The following SYNJ1 variants were observed in gnomAD, a reference collection of about 807,000 sequenced individuals.
The protein encoded by SYNJ1 is synaptojanin 1.
A neutral mutation model predicts 168.2 loss-of-function variants in SYNJ1; 78 were observed. The observed-to-expected ratio is 0.46, with a 90% CI of 0.39 to 0.56. SYNJ1 has a LOEUF of 0.56. Ranked by LOEUF, SYNJ1 falls within the 20% of genes least tolerant of loss-of-function variation. The probability of loss-of-function intolerance (pLI) is 0.00; values close to 1 mark genes in which losing one functional copy is unlikely to be tolerated. For synonymous variants in SYNJ1, 539 were observed against 548.6 expected (o/e 0.98, Z 0.24); for missense variants, 1,303 against 1,597.6 (o/e 0.82, Z 3.14).
rs762510102 is a variant in SYNJ1, at chr21:32,630,057, C to T, written c.*1748G>A. The T allele has an allele frequency of 2.6e-5, 4 of 152,204 alleles. No homozygotes were observed. The highest frequency in any genetic ancestry group is 4.8e-5 in the African/African-American group (2 of 41,450). The allele number at this position is 152,204 out of a possible 1,614,324, so 9.4% of individuals were successfully genotyped here. A position where few individuals can be genotyped will look rare whatever the true frequency, so the allele number is the denominator to read the frequency against. On this transcript the variant is annotated 3_prime_UTR_variant, in exon 33 of 33. Transcript: ENST00000674351. Reference sequence around the variant, plus strand: ...TATGGGCAACGTATACTCGAACGTACGCAGAGAAGAGAGTACGGTTAGCTC... The same window carrying T: ...TATGGGCAACGTATACTCGAACGTATGCAGAGAAGAGAGTACGGTTAGCTC...
rs2039254288 is a variant in SYNJ1, at chr21:32,629,831, AG to A, written c.*1973del. On this transcript the variant is annotated 3_prime_UTR_variant, in exon 33 of 33. Coordinates refer to ENST00000674351, the MANE Select transcript of SYNJ1 (RefSeq NM_203446.3). ...GGGATCAGTTGCATATTGGCAGTGC[AG>A]GAGACAAAATCCGCAGCTACTTTGA... is the stretch of plus-strand genomic sequence containing the variant. 6.6e-6 allele frequency: 1 copy of A among 152,602 alleles called. No homozygotes were observed. The highest frequency in any genetic ancestry group is 2.4e-5 in the African/African-American group (1 of 41,464). 9.5% of individuals were successfully genotyped at this position (152,602 alleles called of 1,614,324 possible).
At chr21:32,672,625 C>T (rs1364453792) in intron 14 of SYNJ1, among the ~76,000 whole-genome samples, 1 of 152,124 alleles carries the variant, frequency 6.6e-6, no homozygotes, top group Non-Finnish European at 1.5e-5. Flanking sequence ...CAGGCGTGAG[C>T]CACCGTGCCC....
At chr21:32,713,926 T>C (rs1943627118) in intron 2 of SYNJ1, among the ~76,000 whole-genome samples, 1 of 152,186 alleles carries the variant, frequency 6.6e-6, no homozygotes, top group Non-Finnish European at 1.5e-5. Flanking sequence ...CAGATCATAA[T>C]AAAGATAACT....
At chr21:32,685,181 C>CAAA (rs553002012) in intron 9 of SYNJ1, among the ~76,000 whole-genome samples, 6 of 57,682 alleles carry the variant, frequency 1.0e-4, no homozygotes, top group African/African-American at 2.0e-4. Flanking sequence ...GACTCCGTCT[C>CAAA]AAAAAAAAAA....
At chr21:32,651,898 G>A (rs545000401) in intron 22 of SYNJ1, among the ~76,000 whole-genome samples, 136 of 152,296 alleles carry the variant, frequency 8.9e-4, no homozygotes, top group African/African-American at 3.2e-3. Context: ...CCCTGACACA[G>A]TCATAAGAGG....
intron 18 of SYNJ1, among the ~76,000 whole-genome samples, chr21:32,660,209 C>T (rs1422631531): frequency 6.6e-6 from 1 of 152,212 alleles, no homozygotes; most frequent in Non-Finnish European, 1.5e-5. Context: ...AAAGGCTGGC[C>T]CCCATGTCTA....
intron 13 of SYNJ1, among the ~76,000 whole-genome samples, chr21:32,673,917 A>AT (rs2041303748): frequency 6.6e-6 from 1 of 152,246 alleles, no homozygotes; most frequent in Non-Finnish European, 1.5e-5. Flanking sequence ...TACAATTTTC[A>AT]TTAAGAGTCT....
Position 32,630,730 on chromosome 21 carries a change from T to C in SYNJ1, c.*1075A>G, listed in dbSNP as rs2039285378. On this transcript the variant is annotated 3_prime_UTR_variant, in exon 33 of 33. Transcript: ENST00000674351. Reference sequence around the variant, plus strand: ...AAAAGTTTCTGAATAAGGACTGTTTTCTAAAGTATAAGTACTTTTTATGGC... The same window carrying C: ...AAAAGTTTCTGAATAAGGACTGTTTCCTAAAGTATAAGTACTTTTTATGGC... 3 of 279,390 alleles carry C rather than the reference T, an allele frequency of 1.1e-5. No homozygotes were observed. Among genetic ancestry groups the C allele is most frequent in the Non-Finnish European group, 1.3e-5 (2 of 148,398 alleles). The allele number at this position is 279,390 out of a possible 1,614,324, so 17.3% of individuals were successfully genotyped here. A position where few individuals can be genotyped will look rare whatever the true frequency, so the allele number is the denominator to read the frequency against.
intron 18 of SYNJ1, among the ~76,000 whole-genome samples, chr21:32,663,010 G>A (rs2040778017): frequency 6.6e-6 from 1 of 152,150 alleles, no homozygotes; most frequent in East Asian, 1.9e-4. Context: ...AACTTTCTAT[G>A]ATGAACTAAA....
rs565726312 is a variant in SYNJ1, at chr21:32,663,943, T to C, written c.2304+970A>G. 1.3e-4 allele frequency among the ~76,000 whole-genome samples: 20 copies of C among 152,282 alleles called. 1 individual carries two copies. The highest frequency in any genetic ancestry group is 4.6e-4 in the African/African-American group (19 of 41,560). On this transcript the variant is annotated intron_variant, in intron 18 of 32. Coordinates refer to ENST00000674351, the MANE Select transcript of SYNJ1 (RefSeq NM_203446.3). Reference sequence around the variant, plus strand: ...TTACTAATTGCTGTCTATACACAGATGATGAAGGGCAAGTAGTTGAAGACA... The same window carrying C: ...TTACTAATTGCTGTCTATACACAGACGATGAAGGGCAAGTAGTTGAAGACA...
At chr21:32,702,270 ACT>A (rs1239524095) in intron 2 of SYNJ1, among the ~76,000 whole-genome samples, 6 of 152,070 alleles carry the variant, frequency 3.9e-5, no homozygotes, top group Admixed American at 6.6e-5. Flanking sequence ...ACTGATCTGA[ACT>A]CTGTCTTCTT....
At chr21:32,728,027 C>CAT (rs1227986180), upstream of SYNJ1, 1 of 1,535,332 alleles carries the variant, frequency 6.5e-7, no homozygotes, top group African/African-American at 1.4e-5. Flanking sequence ...CCAGCAGGCC[C>CAT]ATCTCTTCCG....
At chr21:32,688,162 C>G in intron 7 of SYNJ1, 144 bp downstream of exon 7, 1 of 718,388 alleles carries the variant, frequency 1.4e-6, no homozygotes, top group Admixed American at 3.0e-5. Flanking sequence ...AGTCGTAACA[C>G]TAGGTGTCAC....
chr21:32,655,996 T>G (rs2040439153), intron 21 of SYNJ1, among the ~76,000 whole-genome samples: 1 of 152,010 alleles, frequency 6.6e-6, no homozygotes, highest in Non-Finnish European at 1.5e-5. Context: ...AGGGAGGGAG[T>G]CATTCTTATC....
Position 32,688,325 on chromosome 21 carries a change from T to C in SYNJ1, c.832A>G (p.Asn278Asp). The C allele has an allele frequency of 6.2e-7, 1 of 1,613,756 alleles. No individual in the cohort carries two copies. Among genetic ancestry groups the C allele is most frequent in the Non-Finnish European group, 8.5e-7 (1 of 1,179,864 alleles). Reference protein sequence around the residue: ...RVRMSRGFEANAPAFDRHFRT... With the variant: ...RVRMSRGFEADAPAFDRHFRT... ...TCTTACCTGTCAAAAGCAGGTGCATTGGCTTCAAATCCCCTTGACATACGG... is the reference window on the plus strand; with the variant it reads ...TCTTACCTGTCAAAAGCAGGTGCATCGGCTTCAAATCCCCTTGACATACGG... Residue 278 changes from asparagine (N) to aspartate (D), a missense_variant, in exon 7 of 33, where the codon AAT becomes GAT. Around this residue, in one of 2 missense-constraint regions of SYNJ1, gnomAD observed 920 missense variants for 1,208.8 expected, o/e 0.76. Coordinates refer to ENST00000674351, the MANE Select transcript of SYNJ1 (RefSeq NM_203446.3).
chr21:32,674,862 G>C (rs528127795), intron 13 of SYNJ1, among the ~76,000 whole-genome samples: 89 of 152,306 alleles, frequency 5.8e-4, no homozygotes, highest in African/African-American at 1.3e-3. Flanking sequence ...GAGGAAATGA[G>C]AGTGAAAAAG....
intron 2 of SYNJ1, among the ~76,000 whole-genome samples, chr21:32,717,654 C>A (rs1260956829): frequency 2.6e-5 from 4 of 152,182 alleles, no homozygotes; most frequent in Middle Eastern, 6.3e-3. Flanking sequence ...CTATTCCCAG[C>A]CCTGTGTGAG....
chr21:32,663,187 C>T (rs2145901934), intron 18 of SYNJ1, among the ~76,000 whole-genome samples: 1 of 152,290 alleles, frequency 6.6e-6, no homozygotes, highest in East Asian at 1.9e-4. Flanking sequence ...AGACCCAGTT[C>T]CTGATGAATT....
intron 7 of SYNJ1, 109 bp from the exon 8 acceptor site, chr21:32,687,183 A>G: frequency 1.7e-6 from 1 of 582,300 alleles, no homozygotes; most frequent in Non-Finnish European, 2.7e-6. Context: ...TTTTAAACAC[A>G]GAATTGGAAA....
Sources: gnomAD v4.1 joint callset for allele counts (sites outside exome capture counted in the v4.1 genomes callset) on GRCh38, gnomAD v4.1.1 for gene constraint, gnomAD v4.1.1 regional missense constraint, MANE v1.5 for transcripts, NCBI Gene and HGNC (gene_info 2026-07-23, HGNC 2026-07-21) for gene names.